The following MBOAT2 variants were observed in gnomAD, a reference collection of about 807,000 sequenced individuals.
The protein encoded by MBOAT2 is membrane bound glycerophospholipid O-acyltransferase 2.
MBOAT2 carries 28 observed loss-of-function variants against 63.4 expected under a neutral mutation model. That is an observed-to-expected ratio of 0.44 (90% CI 0.33 to 0.61). The LOEUF (loss-of-function observed/expected upper bound fraction) is 0.61, where lower values mean the gene tolerates loss of function less well. MBOAT2 is among the 20% of genes least tolerant of loss of function. The pLI, the probability that MBOAT2 is intolerant of heterozygous loss-of-function variation, is 0.03. For synonymous variants in MBOAT2, 211 were observed against 215.6 expected, an observed-to-expected ratio of 0.98 and a Z score of 0.19; for missense variants, 470 against 605.8, an observed-to-expected ratio of 0.78 and a Z score of 2.35.
chr2:8,886,004 C>T (rs976124040), intron 5 of MBOAT2, among the ~76,000 whole-genome samples: 2 of 152,146 alleles, frequency 1.3e-5, no homozygotes, highest in Non-Finnish European at 2.9e-5. Context: ...TCCCCTACAC[C>T]GATAGGAAAT....
intron 1 of MBOAT2, among the ~76,000 whole-genome samples, chr2:8,972,046 G>A (rs529543161): frequency 2.0e-5 from 3 of 152,274 alleles, no homozygotes; most frequent in South Asian, 2.1e-4. Context: ...CCAAAAAAGA[G>A]CCCACATAGC....
intron 4 of MBOAT2, among the ~76,000 whole-genome samples, chr2:8,894,102 G>A (rs1170161845): frequency 6.6e-6 from 1 of 151,702 alleles, no homozygotes; most frequent in East Asian, 1.9e-4. Context: ...CCCTCCCCTA[G>A]CCCCCACCCG....
intron 4 of MBOAT2, among the ~76,000 whole-genome samples, chr2:8,903,698 C>A (rs1471442841): frequency 6.6e-6 from 1 of 152,216 alleles, no homozygotes; most frequent in Non-Finnish European, 1.5e-5. Context: ...GATCCCACCA[C>A]TGCTGTTCTG....
intron 1 of MBOAT2, among the ~76,000 whole-genome samples, chr2:8,982,503 A>G (rs1435390934): frequency 6.6e-6 from 1 of 152,170 alleles, no homozygotes; most frequent in African/African-American, 2.4e-5. Context: ...TCACTTTTGG[A>G]AACCACTCCT....
chr2:8,870,691 G>C (rs920479318), intron 8 of MBOAT2, among the ~76,000 whole-genome samples: 4 of 152,166 alleles, frequency 2.6e-5, no homozygotes, highest in Admixed American at 1.3e-4. Context: ...ACCATTACTT[G>C]TGTTAAGACA....
Position 8,856,438 on chromosome 2 carries a change from A to G in MBOAT2, c.*2241T>C, listed in dbSNP as rs2148498951. 6.6e-6 allele frequency: 1 copy of G among 152,294 alleles called. No individual in the cohort carries two copies. Among genetic ancestry groups the G allele is most frequent in the South Asian group, 2.1e-4 (1 of 4,822 alleles). The allele number at this position is 152,294 out of a possible 1,614,324, so 9.4% of individuals were successfully genotyped here. On this transcript the variant is annotated 3_prime_UTR_variant, in exon 13 of 13. Coordinates refer to ENST00000305997, the MANE Select transcript of MBOAT2 (RefSeq NM_138799.4). This position sits in a 1 kb window ranked among gnomAD's most constrained non-coding sequence, Gnocchi z 4.2. ...TTCTTAATTTGTTCACTTTCTCTTA[A>G]TAGCAGTCGGATTCTCTGCAACATT...
chr2:8,963,809 C>T (rs1002459040), intron 1 of MBOAT2, among the ~76,000 whole-genome samples: 10 of 152,144 alleles, frequency 6.6e-5, no homozygotes, highest in Admixed American at 4.6e-4. Context: ...TTACTATGTG[C>T]TAGACATTAA....
At chr2:8,913,216 C>G (rs939628126) in intron 3 of MBOAT2, among the ~76,000 whole-genome samples, 3 of 152,008 alleles carry the variant, frequency 2.0e-5, no homozygotes, top group Non-Finnish European at 4.4e-5. Context: ...AACCTAAGAC[C>G]TGAAACTATA....
At chr2:8,976,282 G>C (rs1274822376) in intron 1 of MBOAT2, among the ~76,000 whole-genome samples, 1 of 151,902 alleles carries the variant, frequency 6.6e-6, no homozygotes, top group African/African-American at 2.4e-5. Context: ...CTAATAATGA[G>C]TGCTTGTCTC....
Position 8,902,558 on chromosome 2 carries a change from G to T in MBOAT2, c.395+6063C>A, listed in dbSNP as rs1047767884. ...GCAGACCTTCGTGGTGACTGTTACA[G>T]CTCTTAAAGGCGGTGCGTCTGGAGT... On this transcript the variant is annotated intron_variant, in intron 4 of 12. Coordinates refer to ENST00000305997, the MANE Select transcript of MBOAT2 (RefSeq NM_138799.4). 2.0e-4 allele frequency among the ~76,000 whole-genome samples: 30 copies of T among 151,968 alleles called. 1 individual carries two copies. Among genetic ancestry groups the T allele is most frequent in the South Asian group, 1.9e-3 (9 of 4,800 alleles).
At chr2:8,885,282 T>C (rs1464635302) in intron 5 of MBOAT2, among the ~76,000 whole-genome samples, 1 of 152,220 alleles carries the variant, frequency 6.6e-6, no homozygotes, top group South Asian at 2.1e-4. Context: ...TGGTTTCTGA[T>C]GGTTCAATGT....
chr2:8,990,461 T>C (rs1165122004), intron 1 of MBOAT2, among the ~76,000 whole-genome samples: 1 of 152,214 alleles, frequency 6.6e-6, no homozygotes, highest in African/African-American at 2.4e-5. Context: ...TTATCTTTAA[T>C]ATACTATTTT....
intron 1 of MBOAT2, among the ~76,000 whole-genome samples, chr2:8,974,714 T>G (rs1670700352): frequency 6.6e-6 from 1 of 152,138 alleles, no homozygotes; most frequent in Non-Finnish European, 1.5e-5. Flanking sequence ...TACTCCCAAA[T>G]AGATGATTTT....
chr2:8,934,578 T>A (rs983536414), intron 3 of MBOAT2, among the ~76,000 whole-genome samples: 1 of 152,198 alleles, frequency 6.6e-6, no homozygotes, highest in African/African-American at 2.4e-5. Context: ...AAAAAATCAA[T>A]TTTAGAATTA....
intron 3 of MBOAT2, among the ~76,000 whole-genome samples, chr2:8,918,324 C>T (rs966315460): frequency 2.0e-5 from 3 of 152,154 alleles, no homozygotes; most frequent in Non-Finnish European, 4.4e-5. Flanking sequence ...ATCTTTTCTC[C>T]ATTTACATTC....
intron 3 of MBOAT2, among the ~76,000 whole-genome samples, chr2:8,914,934 CTTTTTTTTTTTTT>C (rs938665533): frequency 1.0e-4 from 6 of 60,246 alleles, no homozygotes; most frequent in African/African-American, 3.5e-4. Context: ...CTGGAAATTT[CTTTTTTTTTTTTT>C]TTTTTTTTTT....
chr2:8,859,389 T>C (rs983154263), intron 12 of MBOAT2, among the ~76,000 whole-genome samples: 22 of 152,202 alleles, frequency 1.4e-4, no homozygotes, highest in African/African-American at 5.1e-4. Context: ...ATGGTTACTT[T>C]CATGAAGCAA....
At chr2:8,873,960 C>T (rs1030002797) in intron 7 of MBOAT2, among the ~76,000 whole-genome samples, 5 of 152,032 alleles carry the variant, frequency 3.3e-5, no homozygotes, top group Non-Finnish European at 5.9e-5. Context: ...TGTAGAAGGC[C>T]AGAATATTTC....
chr2:8,910,552 A>G (rs1665642551), intron 3 of MBOAT2, among the ~76,000 whole-genome samples: 1 of 152,236 alleles, frequency 6.6e-6, no homozygotes, highest in South Asian at 2.1e-4. Flanking sequence ...TACTATAACC[A>G]AACACCTTTA....
Sources: gnomAD v4.1 joint callset for allele counts (sites outside exome capture counted in the v4.1 genomes callset) on GRCh38, gnomAD v4.1.1 for gene constraint, Gnocchi (gnomAD v3.1) non-coding constraint, MANE v1.5 for transcripts, NCBI Gene and HGNC (gene_info 2026-07-23, HGNC 2026-07-21) for gene names.